The following BMPR1B variants were observed in gnomAD, a reference collection of about 807,000 sequenced individuals.
BMPR1B encodes the protein bone morphogenetic protein receptor type-1B.
Under a neutral mutation model 59.1 loss-of-function variants are expected in BMPR1B, and 12 were observed. The observed-to-expected ratio is 0.20, with a 90% CI of 0.13 to 0.33. The LOEUF (loss-of-function observed/expected upper bound fraction) is 0.33, where lower values mean the gene tolerates loss of function less well. Ranked by LOEUF, BMPR1B falls within the 10% of genes least tolerant of loss-of-function variation. The pLI is 1.00. For synonymous variants in BMPR1B, 237 were observed against 207.3 expected (o/e 1.14, Z -1.23); for missense variants, 550 against 610.9 (o/e 0.90, Z 1.05).
intron 2 of BMPR1B, among the ~76,000 whole-genome samples, chr4:94,902,086 T>TGTGGGG (rs1411154828): frequency 1.8e-5 from 2 of 111,912 alleles, no homozygotes; most frequent in South Asian, 6.5e-4. Context: ...TGTGTGTGTG[T>TGTGGGG]GGGGTGTATT....
At chr4:94,918,286 A>G (rs374098885) in intron 2 of BMPR1B, among the ~76,000 whole-genome samples, 4 of 152,354 alleles carry the variant, frequency 2.6e-5, no homozygotes, top group African/African-American at 9.6e-5. Flanking sequence ...GTATACATAC[A>G]TCACACTGCA....
chr4:95,013,271 T>G (rs78741141), intron 3 of BMPR1B, among the ~76,000 whole-genome samples: 176 of 152,352 alleles, frequency 1.2e-3, no homozygotes, highest in Non-Finnish European at 1.7e-3. Context: ...TTTTTTAGTT[T>G]GAGCCCTGCA....
At chr4:94,841,138 G>T (rs1019250036) in intron 1 of BMPR1B, among the ~76,000 whole-genome samples, 10 of 149,092 alleles carry the variant, frequency 6.7e-5, no homozygotes, top group African/African-American at 1.7e-4. Flanking sequence ...CTCCAGCTGC[G>T]TGCTGGGAGA....
At chr4:95,060,744 T>C (rs1444008622) in intron 3 of BMPR1B, among the ~76,000 whole-genome samples, 1 of 152,198 alleles carries the variant, frequency 6.6e-6, no homozygotes, top group Non-Finnish European at 1.5e-5. Flanking sequence ...TCCCCAGTTA[T>C]ATTAAACAGA....
intron 1 of BMPR1B, among the ~76,000 whole-genome samples, chr4:94,790,839 T>C (rs1000162939): frequency 6.6e-6 from 1 of 152,212 alleles, no homozygotes; most frequent in Non-Finnish European, 1.5e-5. Context: ...GATGAGTGGC[T>C]CCTTTGTAGT....
intron 1 of BMPR1B, among the ~76,000 whole-genome samples, chr4:94,817,145 T>G (rs1724042289): frequency 6.6e-6 from 1 of 152,194 alleles, no homozygotes; most frequent in South Asian, 2.1e-4. Flanking sequence ...CATCAGCCCT[T>G]GACCCTGCCA....
At chr4:94,905,335 TTGGTATTGCTTCTG>T (rs1417448767) in intron 2 of BMPR1B, among the ~76,000 whole-genome samples, 4 of 152,040 alleles carry the variant, frequency 2.6e-5, no homozygotes, top group Non-Finnish European at 4.4e-5. Context: ...TTATTGCCAT[TTGGTATTGCTTCTG>T]TAGTGAAGAC....
intron 2 of BMPR1B, among the ~76,000 whole-genome samples, chr4:94,919,434 T>C (rs779030188): frequency 6.6e-6 from 1 of 152,198 alleles, no homozygotes; most frequent in Non-Finnish European, 1.5e-5. Flanking sequence ...CACAAACCAA[T>C]ACTTATCCTT....
intron 3 of BMPR1B, among the ~76,000 whole-genome samples, chr4:95,028,682 G>A (rs909963676): frequency 9.9e-5 from 15 of 151,992 alleles, no homozygotes; most frequent in Non-Finnish European, 2.9e-5. Flanking sequence ...ATAACTATAA[G>A]CTTTAAATTT....
intron 2 of BMPR1B, among the ~76,000 whole-genome samples, chr4:94,985,842 C>T (rs570889392): frequency 1.3e-5 from 2 of 152,108 alleles, no homozygotes; most frequent in East Asian, 1.9e-4. Flanking sequence ...TTGCCTATCC[C>T]GATGAACAAA....
chr4:95,023,199 T>G (rs1724114970), intron 3 of BMPR1B, among the ~76,000 whole-genome samples: 1 of 152,132 alleles, frequency 6.6e-6, no homozygotes, highest in African/African-American at 2.4e-5. Flanking sequence ...TCTCCATACC[T>G]TTCTCCTCTT....
At chr4:95,139,718 G>A (rs1734075864) in intron 10 of BMPR1B, among the ~76,000 whole-genome samples, 3 of 151,670 alleles carry the variant, frequency 2.0e-5, no homozygotes, top group Non-Finnish European at 4.4e-5. Context: ...CGAGCCGGGC[G>A]TGGGACCCTC....
intron 2 of BMPR1B, among the ~76,000 whole-genome samples, chr4:94,886,456 T>C (rs1386208300): frequency 6.6e-6 from 1 of 152,206 alleles, no homozygotes; most frequent in African/African-American, 2.4e-5. Context: ...AAAGTTGAGC[T>C]CTACAAATAC....
At position 95,123,892 on chromosome 4, in the gene BMPR1B, A is replaced by G; in HGVS notation, c.432A>G (p.Leu144=). The G allele has an allele frequency of 6.2e-7, 1 of 1,610,126 alleles. No individual in the cohort carries two copies. Among genetic ancestry groups the G allele is most frequent in the East Asian group, 2.2e-5 (1 of 44,716 alleles). The change falls in exon 7 of 13, where the codon TTA becomes TTG. Residue 144 remains leucine (L), a synonymous_variant. Transcript: ENST00000515059. The stretch of plus-strand genomic sequence containing the variant: ...GTTTGCTCTTGGTCCTTATCATATT[A>G]TTTTGTTACTTCCGGTAAGTTTCTA... ...VCSLLLVLII[L]FCYFRYKRQE... is the part of the protein sequence containing the mutation.
At chr4:94,842,260 G>A (rs895780681) in intron 1 of BMPR1B, among the ~76,000 whole-genome samples, 60 of 152,176 alleles carry the variant, frequency 3.9e-4, no homozygotes, top group African/African-American at 1.4e-3. Flanking sequence ...TTTAAATGGT[G>A]ACTTCAAATA....
intron 3 of BMPR1B, among the ~76,000 whole-genome samples, chr4:95,007,308 TATAAAA>T (rs1289567318): frequency 6.6e-6 from 1 of 152,154 alleles, no homozygotes; most frequent in African/African-American, 2.4e-5. Flanking sequence ...AACACATCAT[TATAAAA>T]ATAGATGTTT....
At chr4:95,024,957 T>C (rs998820327) in intron 3 of BMPR1B, among the ~76,000 whole-genome samples, 4 of 151,826 alleles carry the variant, frequency 2.6e-5, no homozygotes, top group Non-Finnish European at 5.9e-5. Context: ...AAAAGCTAGC[T>C]GGGCGTGGTG....
At chr4:94,930,173 C>T (rs1468015234) in intron 2 of BMPR1B, among the ~76,000 whole-genome samples, 1 of 152,096 alleles carries the variant, frequency 6.6e-6, no homozygotes, top group Non-Finnish European at 1.5e-5. Flanking sequence ...TATATACACT[C>T]TGTTGTATAT....
At chr4:94,861,622 A>C (rs1008341999) in intron 1 of BMPR1B, among the ~76,000 whole-genome samples, 1 of 152,214 alleles carries the variant, frequency 6.6e-6, no homozygotes, top group Non-Finnish European at 1.5e-5. Flanking sequence ...CAAAACATAT[A>C]CATATATGAC....
Sources: allele counts gnomAD v4.1 joint callset (sites outside exome capture counted in the v4.1 genomes callset), GRCh38; gene constraint gnomAD v4.1.1; transcripts MANE v1.5; gene names NCBI Gene and HGNC (gene_info 2026-07-23, HGNC 2026-07-21).